Variants in CARMIL1 observed in about 807,000 individuals in gnomAD.
The protein encoded by CARMIL1 is capping protein regulator and myosin 1 linker 1.
CARMIL1 carries 90 observed loss-of-function variants against 177.1 expected under a neutral mutation model. That is an observed-to-expected ratio of 0.51 (90% CI 0.43 to 0.61). The LOEUF is 0.61. Among genes scored for constraint, CARMIL1 ranks in the 20% least tolerant of loss-of-function variants. The pLI is 0.00. For synonymous variants in CARMIL1, 577 were observed against 606.2 expected, an observed-to-expected ratio of 0.95 and a Z score of 0.71; for missense variants, 1,380 against 1,667.0, an observed-to-expected ratio of 0.83 and a Z score of 3.00.
At chr6:25,576,856 TTTTAGC>T (rs1812632055) in intron 29 of CARMIL1, 1 of 369,616 alleles carries the variant, frequency 2.7e-6, no homozygotes, top group African/African-American at 2.2e-5. Context: ...TTTTTATGTG[TTTTAGC>T]TTTTCTGTTT....
chr6:25,441,337 ATGTGTGTGTGTGTG>A (rs1554196401), intron 5 of CARMIL1, among the ~76,000 whole-genome samples: 1 of 94,534 alleles, frequency 1.1e-5, no homozygotes, highest in Non-Finnish European at 2.0e-5. Context: ...ATATATATAT[ATGTGTGTGTGTGTG>A]TGTGTGTGTG....
rs142321144 is a variant in CARMIL1, at chr6:25,367,884, G to A, written c.139-52230G>A. 4.4e-4 allele frequency among the ~76,000 whole-genome samples: 67 copies of A among 152,192 alleles called. 1 individual carries two copies. The highest frequency in any genetic ancestry group is 1.5e-3 in the African/African-American group (62 of 41,528). ...AATGATTTTCCTGCCTCAGTCTCCC[G>A]AATAGCTGGGATTTACAGGCACATG... On this transcript the variant is annotated intron_variant, in intron 2 of 36. Coordinates refer to ENST00000329474, the MANE Select transcript of CARMIL1 (RefSeq NM_017640.6).
chr6:25,300,089 G>A (rs1456240623), intron 2 of CARMIL1, among the ~76,000 whole-genome samples: 3 of 151,934 alleles, frequency 2.0e-5, no homozygotes, highest in Non-Finnish European at 4.4e-5. Flanking sequence ...AAATGTCAGA[G>A]AGCAGGTGTG....
intron 2 of CARMIL1, among the ~76,000 whole-genome samples, chr6:25,303,680 T>C (rs1783045627): frequency 6.6e-6 from 1 of 152,242 alleles, no homozygotes; most frequent in Admixed American, 6.5e-5. Flanking sequence ...TGTTTTAGAA[T>C]TTGCCATATC....
Position 25,284,806 on chromosome 6 carries a change from T to C in CARMIL1, c.41-6T>C. ...TATTAATAACATAATTCCTTTTTTTTTTCAGAAAGCATAAAGGATGTTATT... is the reference window on the plus strand; with the variant it reads ...TATTAATAACATAATTCCTTTTTTTCTTCAGAAAGCATAAAGGATGTTATT... On this transcript the variant is annotated splice_polypyrimidine_tract_variant and splice_region_variant and intron_variant, in intron 1 of 36. Transcript: ENST00000329474. 1 of 1,464,274 alleles carries C rather than the reference T, an allele frequency of 6.8e-7. No individual in the cohort carries two copies. The highest frequency in any genetic ancestry group is 9.3e-7 in the Non-Finnish European group (1 of 1,069,888). 90.7% of individuals were successfully genotyped at this position (1,464,274 alleles called of 1,614,324 possible). A position where few individuals can be genotyped will look rare whatever the true frequency, so the allele number is the denominator to read the frequency against.
At chr6:25,537,487 G>C (rs908984242) in intron 24 of CARMIL1, among the ~76,000 whole-genome samples, 1 of 152,114 alleles carries the variant, frequency 6.6e-6, no homozygotes, top group African/African-American at 2.4e-5. Context: ...CACATAGAGG[G>C]TGCTCACTAA....
intron 16 of CARMIL1, among the ~76,000 whole-genome samples, chr6:25,499,745 A>G (rs1037968591): frequency 6.6e-6 from 1 of 152,178 alleles, no homozygotes; most frequent in Non-Finnish European, 1.5e-5. Flanking sequence ...CATATTCCTT[A>G]GGGAAAACTA....
intron 2 of CARMIL1, among the ~76,000 whole-genome samples, chr6:25,349,280 A>G (rs1054746376): frequency 2.6e-5 from 4 of 152,232 alleles, no homozygotes; most frequent in Non-Finnish European, 5.9e-5. Flanking sequence ...TGTAGGAGGA[A>G]ACAGAAACCT....
chr6:25,316,962 C>T (rs1561975609), intron 2 of CARMIL1, among the ~76,000 whole-genome samples: 1 of 152,162 alleles, frequency 6.6e-6, no homozygotes, highest in Admixed American at 6.5e-5. Context: ...TAAGATTTAG[C>T]ATTAGGCCCT....
At chr6:25,607,258 C>T (rs1816064142) in intron 35 of CARMIL1, among the ~76,000 whole-genome samples, 1 of 151,322 alleles carries the variant, frequency 6.6e-6, no homozygotes, top group Non-Finnish European at 1.5e-5. Flanking sequence ...AATTTTCAAA[C>T]ATATACAAAA....
At chr6:25,499,201 A>G (rs758765475) in intron 16 of CARMIL1, among the ~76,000 whole-genome samples, 33 of 152,302 alleles carry the variant, frequency 2.2e-4, no homozygotes, top group South Asian at 8.3e-4. Context: ...TGCTGAGTGG[A>G]GGTCCTTTTC....
chr6:25,302,462 A>T (rs1246078386), intron 2 of CARMIL1, among the ~76,000 whole-genome samples: 2 of 152,216 alleles, frequency 1.3e-5, no homozygotes, highest in Non-Finnish European at 2.9e-5. Context: ...AGTATCCTTG[A>T]GGAGATTGTA....
rs1581860692 is a variant in CARMIL1, at chr6:25,414,903, T to C, written c.139-5211T>C. Among the ~76,000 whole-genome samples, 4 of 152,316 alleles carry C rather than the reference T, an allele frequency of 2.6e-5. 1 individual carries two copies. In the South Asian group the frequency reaches 8.3e-4, roughly 32 times the overall value. On this transcript the variant is annotated intron_variant, in intron 2 of 36. Coordinates refer to ENST00000329474, the MANE Select transcript of CARMIL1 (RefSeq NM_017640.6). ...CAAAGCCTGGGCTCCCTTATGAATG[T>C]GTTTCTTTTCAGACAAATTATTTTG...
intron 23 of CARMIL1, among the ~76,000 whole-genome samples, chr6:25,522,141 G>T (rs967003868): frequency 6.6e-6 from 1 of 152,062 alleles, no homozygotes; most frequent in African/African-American, 2.4e-5. Context: ...TCCCATTATG[G>T]ATACCTTCCT....
chr6:25,394,011 A>T (rs1258786830), intron 2 of CARMIL1, among the ~76,000 whole-genome samples: 1 of 152,120 alleles, frequency 6.6e-6, no homozygotes, highest in Admixed American at 6.5e-5. Context: ...CCATTTTCTT[A>T]TGAAATTTTT....
chr6:25,470,654 G>T (rs949047462), intron 9 of CARMIL1, among the ~76,000 whole-genome samples: 4 of 152,200 alleles, frequency 2.6e-5, no homozygotes, highest in African/African-American at 9.6e-5. Flanking sequence ...AGGCAGAGAA[G>T]TCCAAGATCA....
intron 17 of CARMIL1, among the ~76,000 whole-genome samples, chr6:25,501,614 C>T (rs920113142): frequency 6.6e-6 from 1 of 152,164 alleles, no homozygotes; most frequent in African/African-American, 2.4e-5. Flanking sequence ...TTGATCTTTT[C>T]TAATTGTCTA....
chr6:25,415,524 A>G (rs892226516), intron 2 of CARMIL1, among the ~76,000 whole-genome samples: 6 of 146,714 alleles, frequency 4.1e-5, no homozygotes, highest in Non-Finnish European at 8.9e-5. Context: ...AAGTGCAACA[A>G]TTGTCAAAGG....
intron 8 of CARMIL1, chr6:25,451,986 G>GCCCA: frequency 8.9e-6 from 1 of 112,672 alleles, no homozygotes; most frequent in African/African-American, 7.3e-5. Context: ...CTAGCATCTT[G>GCCCA]CCCCCCCCTC....
Sources: gnomAD v4.1 joint callset for allele counts (sites outside exome capture counted in the v4.1 genomes callset) on GRCh38, gnomAD v4.1.1 for gene constraint, MANE v1.5 for transcripts, NCBI Gene and HGNC (gene_info 2026-07-23, HGNC 2026-07-21) for gene names.